LRRK2: variants seen among roughly 807,000 people sequenced by gnomAD.
The protein encoded by LRRK2 is leucine-rich repeat serine/threonine-protein kinase 2.
In LRRK2, 203 loss-of-function variants were observed where a neutral mutation model predicts 302.6. The ratio of observed to expected loss-of-function variants is 0.67; its 90% CI spans 0.60 to 0.75. The LOEUF is 0.75. Ranked by LOEUF, LRRK2 falls within the 30% of genes least tolerant of loss-of-function variation. LRRK2 has a pLI of 0.00. For synonymous variants in LRRK2, 1,066 were observed against 1,031.9 expected (o/e 1.03, Z -0.63); for missense variants, 2,830 against 2,951.0 (o/e 0.96, Z 0.95).
chr12:40,240,664 C>T (rs767605355), intron 6 of LRRK2, 47 bp downstream of exon 6: 17 of 1,521,124 alleles, frequency 1.1e-5, no homozygotes, highest in South Asian at 9.0e-5. Flanking sequence ...TGAAAAATTA[C>T]AATATATCTC....
intron 44 of LRRK2, among the ~76,000 whole-genome samples, chr12:40,353,942 C>T (rs1294898995): frequency 6.6e-6 from 1 of 152,202 alleles, no homozygotes; most frequent in Non-Finnish European, 1.5e-5. Flanking sequence ...CAGTACAGCC[C>T]AGCTTCGGCT....
intron 39 of LRRK2, among the ~76,000 whole-genome samples, chr12:40,332,822 T>C (rs1312651988): frequency 6.6e-6 from 1 of 151,964 alleles, no homozygotes; most frequent in Non-Finnish European, 1.5e-5. Context: ...TTTTACACCA[T>C]GTGTTTGGGG....
chr12:40,236,984 T>TACAGTAC (rs1345603711), intron 4 of LRRK2, among the ~76,000 whole-genome samples: 4 of 152,194 alleles, frequency 2.6e-5, no homozygotes, highest in African/African-American at 7.2e-5. Context: ...ACTACTCCTA[T>TACAGTAC]TCCAGTATTA....
chr12:40,262,572 C>CA (rs1425126752), intron 13 of LRRK2, among the ~76,000 whole-genome samples: 1 of 151,920 alleles, frequency 6.6e-6, no homozygotes, highest in Non-Finnish European at 1.5e-5. Flanking sequence ...ATACTGCTCT[C>CA]AAAAAAATTT....
intron 7 of LRRK2, among the ~76,000 whole-genome samples, chr12:40,246,972 G>C (rs1298925243): frequency 6.6e-6 from 1 of 152,108 alleles, no homozygotes; most frequent in Non-Finnish European, 1.5e-5. Context: ...GAATAATAAG[G>C]AATGATCGTT....
At position 40,240,566 on chromosome 12, in the gene LRRK2, G is replaced by A. The variant is rs1941678161; in HGVS notation, c.655G>A (p.Glu219Lys). Residue 219 changes from glutamate to lysine, a missense_variant, in exon 6 of 51, where the codon GAG (glutamate) becomes AAG (lysine). Transcript: ENST00000298910. ...LSALTNFKDE[E>K]EIVLHVLHCL... ...TGCGTTAACAAATTTTAAAGATGAA[G>A]AGGAAATTGTGCTTCATGTGCTGCA... The A allele has an allele frequency of 6.2e-7, 1 of 1,613,436 alleles. No individual in the cohort carries two copies. The highest frequency in any genetic ancestry group is 8.5e-7 in the Non-Finnish European group (1 of 1,179,632).
chr12:40,243,635 A>C lies in LRRK2; in HGVS notation c.792A>C (p.Glu264Asp), dbSNP rs1169790536. ...VEAMKAFPMS[E>D]RIQEVSCCLL... ...CTATGAAAGCATTCCCTATGAGTGAAAGAATTCAAGAAGTGAGTTGCTGTT... is the reference window on the plus strand; with the variant it reads ...CTATGAAAGCATTCCCTATGAGTGACAGAATTCAAGAAGTGAGTTGCTGTT... The change falls in exon 7 of 51, where the codon GAA (glutamate) becomes GAC (aspartate). Residue 264 changes from glutamate to aspartate, a missense_variant. Glu to Asp is a conservative substitution (Grantham distance 45). Transcript: ENST00000298910. 1 of 1,612,022 alleles carries C rather than the reference A, an allele frequency of 6.2e-7. No homozygotes were observed. The highest frequency in any genetic ancestry group is 1.3e-5 in the African/African-American group (1 of 74,836).
At chr12:40,334,821 A>G in intron 39 of LRRK2, 146 bp from the exon 40 acceptor site, 4 of 959,720 alleles carry the variant, frequency 4.2e-6, no homozygotes, top group Non-Finnish European at 6.4e-6. Flanking sequence ...ATACGGGAAA[A>G]AAAACTCAGA....
At chr12:40,234,731 A>AT (rs1228700443) in intron 3 of LRRK2, among the ~76,000 whole-genome samples, 6 of 152,132 alleles carry the variant, frequency 3.9e-5, no homozygotes, top group Non-Finnish European at 8.8e-5. Flanking sequence ...GCAATCAATA[A>AT]TTTAAATATT....
rs139789871 is a variant in LRRK2 at position 40,257,053 on chromosome 12, CA to C, written c.1289-187del. 5.6e-4 allele frequency among the ~76,000 whole-genome samples: 84 copies of C among 150,922 alleles called. 1 individual carries two copies. The highest frequency in any genetic ancestry group is 2.0e-3 in the African/African-American group (81 of 41,196). ...AATCCCAACAAAGGGTTAATAAAGG[CA>C]AAAAAAATTGGAAATGACATGTGTT... On this transcript the variant is annotated intron_variant, in intron 11 of 50. Coordinates refer to ENST00000298910, the MANE Select transcript of LRRK2 (RefSeq NM_198578.4).
intron 2 of LRRK2, among the ~76,000 whole-genome samples, chr12:40,231,188 G>A (rs1260955458): frequency 3.3e-5 from 5 of 151,932 alleles, no homozygotes; most frequent in African/African-American, 1.2e-4. Flanking sequence ...TTCATTATAA[G>A]CCACTTCATT....
chr12:40,230,386 A>G (rs1941120533), intron 2 of LRRK2, among the ~76,000 whole-genome samples: 1 of 151,908 alleles, frequency 6.6e-6, no homozygotes, highest in South Asian at 2.1e-4. Flanking sequence ...TTGTCATTCA[A>G]CTCCTTGCAA....
intron 2 of LRRK2, among the ~76,000 whole-genome samples, chr12:40,230,657 A>G (rs571944243): frequency 1.6e-4 from 23 of 147,300 alleles, no homozygotes; most frequent in African/African-American, 5.5e-4. Context: ...GGGTACATAT[A>G]TGCACTTTCT....
At chr12:40,358,797 G>A (rs1397095486) in intron 46 of LRRK2, among the ~76,000 whole-genome samples, 2 of 152,066 alleles carry the variant, frequency 1.3e-5, no homozygotes, top group Non-Finnish European at 2.9e-5. Flanking sequence ...CATTGAATCT[G>A]TAGATTGCTT....
chr12:40,226,964 G>C (rs1268193436), intron 2 of LRRK2, among the ~76,000 whole-genome samples: 1 of 152,048 alleles, frequency 6.6e-6, no homozygotes. Flanking sequence ...CTGGGTAGGC[G>C]TTTTGGTCTG....
chr12:40,251,569 T>C (rs1006803142), intron 10 of LRRK2, 25 bp downstream of exon 10: 2 of 1,563,950 alleles, frequency 1.3e-6, no homozygotes, highest in African/African-American at 1.4e-5. Flanking sequence ...TTTTATATGA[T>C]AGAAAATTTC....
chr12:40,301,682 T>C (rs1944632332), intron 25 of LRRK2, among the ~76,000 whole-genome samples: 1 of 152,188 alleles, frequency 6.6e-6, no homozygotes, highest in Admixed American at 6.5e-5. Flanking sequence ...TTTTTAACCT[T>C]GAAAATGCTA....
intron 33 of LRRK2, among the ~76,000 whole-genome samples, chr12:40,315,806 A>AT (rs5797666): frequency 6.6e-5 from 10 of 151,316 alleles, no homozygotes; most frequent in Admixed American, 5.3e-4. Context: ...ATGGAAAATG[A>AT]TTTTTTTCTC....
chr12:40,364,656 C>G (rs1293217398), intron 48 of LRRK2, among the ~76,000 whole-genome samples, 186 bp from the exon 49 acceptor site: 26 of 151,742 alleles, frequency 1.7e-4, no homozygotes, highest in Non-Finnish European at 8.8e-5. Flanking sequence ...ATTTATGCTT[C>G]AAGTAAAGAA....
Sources: allele counts gnomAD v4.1 joint callset (sites outside exome capture counted in the v4.1 genomes callset), GRCh38; gene constraint gnomAD v4.1.1; transcripts MANE v1.5; gene names NCBI Gene and HGNC (gene_info 2026-07-23, HGNC 2026-07-21).